Variants in RFX7 observed in about 807,000 individuals in gnomAD.
RFX7 encodes DNA-binding protein RFX7.
A neutral mutation model predicts 111.8 loss-of-function variants in RFX7; 26 were observed. The observed-to-expected ratio is 0.23, with a 90% CI of 0.17 to 0.32. The LOEUF is 0.32. RFX7 is among the 10% of genes least tolerant of loss of function. RFX7 has a pLI of 1.00. For missense variants in RFX7, 1,573 were observed against 1,772.9 expected (o/e 0.89, Z 2.02); for synonymous variants, 624 against 624.4 (o/e 1.00, Z 0.01).
intron 5 of RFX7, among the ~76,000 whole-genome samples, chr15:56,127,998 A>C (rs2042167254): frequency 6.6e-6 from 1 of 152,234 alleles, no homozygotes; most frequent in Non-Finnish European, 1.5e-5. Context: ...AATACTATGA[A>C]AAACTGTATG....
At chr15:56,102,304 C>T (rs2140527529) in intron 6 of RFX7, 51 bp from the exon 7 acceptor site, 1 of 1,077,640 alleles carries the variant, frequency 9.3e-7, no homozygotes, top group South Asian at 1.5e-5. Context: ...ATTGCTTATA[C>T]AGACAGCACT....
intron 5 of RFX7, among the ~76,000 whole-genome samples, chr15:56,111,661 C>CAAAAAAAAAAAAAAAAAAAACAAA (rs371681721): frequency 1.7e-4 from 16 of 95,520 alleles, no homozygotes; most frequent in East Asian, 6.7e-4. Context: ...ATAAATAAAC[C>CAAAAAAAAAAAAAAAAAAAACAAA]AAAAAAAAAA....
intron 5 of RFX7, among the ~76,000 whole-genome samples, chr15:56,108,165 C>G (rs775904286): frequency 3.9e-5 from 6 of 152,148 alleles, no homozygotes; most frequent in Non-Finnish European, 8.8e-5. Context: ...GAAACTATCC[C>G]AAATAATTGA....
At chr15:56,137,826 C>G (rs1444109522) in intron 5 of RFX7, among the ~76,000 whole-genome samples, 30 of 152,024 alleles carry the variant, frequency 2.0e-4, no homozygotes, top group Admixed American at 5.2e-4. Flanking sequence ...CTTTGTTCTC[C>G]TTGGTTTCAA....
Position 56,090,395 on chromosome 15 carries a change from C to T in RFX7, c.*2950G>A, listed in dbSNP as rs2041582153. 6.6e-6 allele frequency: 1 copy of T among 152,202 alleles called. No homozygotes were observed. Among genetic ancestry groups the T allele is most frequent in the Admixed American group, 6.6e-5 (1 of 15,256 alleles). 9.4% of individuals were successfully genotyped at this position (152,202 alleles called of 1,614,324 possible). ...TCTGGATTAATAGCACACAGCAGAT[C>T]AGCAGCACTGTTCTGCCTTCTGCTC... is the stretch of plus-strand genomic sequence containing the variant. On this transcript the variant is annotated 3_prime_UTR_variant, in exon 10 of 10. Transcript: ENST00000559447.
At chr15:56,175,804 T>C (rs1049383802) in intron 3 of RFX7, among the ~76,000 whole-genome samples, 8 of 152,042 alleles carry the variant, frequency 5.3e-5, no homozygotes, top group South Asian at 2.1e-4. Flanking sequence ...TATGAGAAGA[T>C]TGAGATATCT....
At chr15:56,119,937 T>C (rs916075505) in intron 5 of RFX7, among the ~76,000 whole-genome samples, 1 of 152,172 alleles carries the variant, frequency 6.6e-6, no homozygotes, top group Non-Finnish European at 1.5e-5. Flanking sequence ...TTGAAGGTAA[T>C]GTGATTAGTC....
chr15:56,159,319 C>T (rs954717846), intron 3 of RFX7, among the ~76,000 whole-genome samples: 11 of 152,280 alleles, frequency 7.2e-5, no homozygotes, highest in Non-Finnish European at 1.3e-4. Flanking sequence ...GTAGGTAAGG[C>T]ATCTTTAAGA....
chr15:56,187,353 G>C (rs2043052380), intron 2 of RFX7, among the ~76,000 whole-genome samples: 1 of 151,896 alleles, frequency 6.6e-6, no homozygotes, highest in Admixed American at 6.6e-5. Flanking sequence ...TGGGATTACA[G>C]GCGCATGTTG....
chr15:56,179,747 CCT>C (rs1305951909), intron 2 of RFX7, among the ~76,000 whole-genome samples: 5 of 143,058 alleles, frequency 3.5e-5, no homozygotes, highest in African/African-American at 7.9e-5. Flanking sequence ...TCTGTTCCCT[CCT>C]CTCTCTGTCT....
rs2042449038 is a variant in RFX7 at position 56,144,961 on chromosome 15, A to T, written c.196-478T>A. On this transcript the variant is annotated intron_variant, in intron 3 of 9. Transcript: ENST00000559447. ...TTTCTAATTTTCAAATATTTACAAC[A>T]TGTGACTGATGGTGCTACTGTTACC... is the stretch of plus-strand genomic sequence containing the variant. Among the ~76,000 whole-genome samples the T allele has an allele frequency of 2.6e-5, 4 of 152,308 alleles. No individual in the cohort carries two copies. In the South Asian group the frequency reaches 8.3e-4, roughly 32 times the overall value.
chr15:56,124,605 A>G (rs1271341286), intron 5 of RFX7, among the ~76,000 whole-genome samples: 1 of 152,120 alleles, frequency 6.6e-6, no homozygotes, highest in African/African-American at 2.4e-5. Context: ...TTCCCTGATG[A>G]TTAGTGATGT....
At chr15:56,214,166 G>A (rs529133453) in intron 2 of RFX7, among the ~76,000 whole-genome samples, 1 of 152,162 alleles carries the variant, frequency 6.6e-6, no homozygotes, top group East Asian at 1.9e-4. Flanking sequence ...GTAACTCTTG[G>A]CATTTGGTAT....
In RFX7 at chr15:56,088,034, A is replaced by T; in HGVS notation, c.*5311T>A. The T allele has an allele frequency of 3.4e-6, 1 of 290,522 alleles. No homozygotes were observed. Among genetic ancestry groups the T allele is most frequent in the South Asian group, 2.9e-5 (1 of 33,910 alleles). The allele number at this position is 290,522 out of a possible 1,614,324, so 18.0% of individuals were successfully genotyped here. A position where few individuals can be genotyped will look rare whatever the true frequency, so the allele number is the denominator to read the frequency against. ...GAAAAGGATTCAAGTAATTTGGAGG[A>T]AAATTACAAACTACAGGTAAATCTA... On this transcript the variant is annotated 3_prime_UTR_variant, in exon 10 of 10. Transcript: ENST00000559447.
chr15:56,125,843 C>T (rs929248060), intron 5 of RFX7, among the ~76,000 whole-genome samples: 9 of 152,066 alleles, frequency 5.9e-5, no homozygotes, highest in Non-Finnish European at 1.3e-4. Flanking sequence ...AATTTATATA[C>T]ATATAGCTAC....
At chr15:56,114,411 C>CA (rs55731452) in intron 5 of RFX7, among the ~76,000 whole-genome samples, 15,970 of 76,110 alleles carry the variant, frequency 0.21, 1,238 homozygotes, top group East Asian at 0.45. Context: ...ATTCTGTCTC[C>CA]AAAAAAAAAA....
At position 56,134,450 on chromosome 15, in the gene RFX7, G is replaced by C. The variant is rs1159462212; in HGVS notation, c.401+8328C>G. 4.6e-5 allele frequency among the ~76,000 whole-genome samples: 7 copies of C among 152,174 alleles called. No homozygotes were observed. In the South Asian group the frequency reaches 1.5e-3, roughly 32 times the overall value. ...TAAAATACCCAGACTCAGATATTTT[G>C]TGTATAGTACTCTATTAATTATCAT... On this transcript the variant is annotated intron_variant, in intron 5 of 9. Coordinates refer to ENST00000559447, the MANE Select transcript of RFX7 (RefSeq NM_022841.7).
Position 56,141,873 on chromosome 15 carries a change from C to T in RFX7, c.401+905G>A, listed in dbSNP as rs374473794. ...GAGTCCTTCAGTTTAACTTTGTTCT[C>T]TTGATCATTTCAGATATTTTTATCT... On this transcript the variant is annotated intron_variant, in intron 5 of 9. Transcript: ENST00000559447. 3.3e-5 allele frequency among the ~76,000 whole-genome samples: 5 copies of T among 151,564 alleles called. No individual in the cohort carries two copies. In the East Asian group the frequency reaches 9.7e-4, roughly 29 times the overall value.
rs941838839 is a variant in RFX7, at chr15:56,087,285, G to T, written c.*6060C>A. The T allele has an allele frequency of 2.8e-6, 1 of 359,984 alleles. No homozygotes were observed. Among genetic ancestry groups the T allele is most frequent in the Admixed American group, 3.5e-5 (1 of 28,470 alleles). 22.3% of individuals were successfully genotyped at this position (359,984 alleles called of 1,614,324 possible). A position where few individuals can be genotyped will look rare whatever the true frequency, so the allele number is the denominator to read the frequency against. On this transcript the variant is annotated 3_prime_UTR_variant, in exon 10 of 10. Coordinates refer to ENST00000559447, the MANE Select transcript of RFX7 (RefSeq NM_022841.7). ...AAAATAAGACTCAAAATAAATGTGA[G>T]TTAAACCAGAAAGACATTTATTTCT...
Sources: allele counts gnomAD v4.1 joint callset (sites outside exome capture counted in the v4.1 genomes callset), GRCh38; gene constraint gnomAD v4.1.1; transcripts MANE v1.5; gene names NCBI Gene and HGNC (gene_info 2026-07-23, HGNC 2026-07-21).